The following ZNF7 variants were observed in gnomAD, a reference collection of about 807,000 sequenced individuals.
ZNF7 encodes zinc finger protein 7, also known as C2-H2 type zinc finger protein.
ZNF7 carries 10 observed loss-of-function variants against 12.0 expected under a neutral mutation model. The observed-to-expected ratio is 0.83, with a 90% CI of 0.51 to 1.42. The LOEUF is 1.42. Among genes scored for constraint, ZNF7 ranks in the 40% most tolerant of loss-of-function variants. The pLI is 0.00. For missense variants in ZNF7, 854 were observed against 837.2 expected, an observed-to-expected ratio of 1.02 and a Z score of -0.25; for synonymous variants, 334 against 295.0, an observed-to-expected ratio of 1.13 and a Z score of -1.35.
In ZNF7 at chr8:144,843,623, C is replaced by T. The variant is rs988268423; in HGVS notation, c.*455C>T. On this transcript the variant is annotated 3_prime_UTR_variant, in exon 5 of 5. Coordinates refer to ENST00000532777, the MANE Select transcript of ZNF7 (RefSeq NM_003416.4). ...AAAAAAAAAAAAATCCAACTTCATACAAAATGTATGTTTATTTCCTGAAAT... is the reference window on the plus strand; with the variant it reads ...AAAAAAAAAAAAATCCAACTTCATATAAAATGTATGTTTATTTCCTGAAAT... 6.8e-6 allele frequency: 1 copy of T among 147,684 alleles called. No homozygotes were observed. The highest frequency in any genetic ancestry group is 1.5e-5 in the Non-Finnish European group (1 of 67,580). The allele number at this position is 147,684 out of a possible 1,614,324, so 9.1% of individuals were successfully genotyped here. A position where few individuals can be genotyped will look rare whatever the true frequency, so the allele number is the denominator to read the frequency against.
In ZNF7 at chr8:144,829,081, G is replaced by C; in HGVS notation, c.-7G>C. 1.9e-6 allele frequency: 3 copies of C among 1,614,032 alleles called. No individual in the cohort carries two copies. Among genetic ancestry groups the C allele is most frequent in the Non-Finnish European group, 2.5e-6 (3 of 1,179,960 alleles). On this transcript the variant is annotated 5_prime_UTR_variant, in exon 2 of 5. The change abolishes the stop of an existing upstream ORF in the 5' untranslated region. Coordinates refer to ENST00000532777, the MANE Select transcript of ZNF7 (RefSeq NM_003416.4). The stretch of plus-strand genomic sequence containing the variant: ...AACACGTGGATGCCCACCCACCACT[G>C]AGCCTCATGGTAGGAAGCTTGACTG...
At chr8:144,844,610 T>TG (rs564002626), downstream of ZNF7, among the ~76,000 whole-genome samples, 860 of 147,500 alleles carry the variant, frequency 5.8e-3, 13 homozygotes, top group African/African-American at 0.02. Flanking sequence ...CTTGGGAGGC[T>TG]AGGCAGGAAA....
rs189494695 is a variant in ZNF7, at chr8:144,827,589, C to G, written c.-66C>G. On this transcript the variant is annotated 5_prime_UTR_variant, in exon 1 of 5. Coordinates refer to ENST00000532777, the MANE Select transcript of ZNF7 (RefSeq NM_003416.4). ...CCGGCGGCGTCGCGCGTTTGCGAGCCTCGGGTGGTCCTCAGGGAGGGTGAG... is the reference window on the plus strand; with the variant it reads ...CCGGCGGCGTCGCGCGTTTGCGAGCGTCGGGTGGTCCTCAGGGAGGGTGAG... 1.0e-6 allele frequency: 1 copy of G among 985,724 alleles called. No individual in the cohort carries two copies. The highest frequency in any genetic ancestry group is 1.7e-5 in the African/African-American group (1 of 57,258). The allele number at this position is 985,724 out of a possible 1,614,324, so 61.1% of individuals were successfully genotyped here. A position where few individuals can be genotyped will look rare whatever the true frequency, so the allele number is the denominator to read the frequency against.
At position 144,837,386 on chromosome 8, in the gene ZNF7, C is replaced by T. The variant is rs759365860; in HGVS notation, c.131-5C>T. 1 of 1,603,994 alleles carries T rather than the reference C, an allele frequency of 6.2e-7. No homozygotes were observed. On this transcript the variant is annotated splice_polypyrimidine_tract_variant and splice_region_variant and intron_variant, in intron 3 of 4. Coordinates refer to ENST00000532777, the MANE Select transcript of ZNF7 (RefSeq NM_003416.4). ...ACACTGTTGTCTTCTCTGCCGCACACACAGCAGGATTCCTGGTTTTCAAGC... is the reference window on the plus strand; with the variant it reads ...ACACTGTTGTCTTCTCTGCCGCACATACAGCAGGATTCCTGGTTTTCAAGC...
rs747035328 is a variant in ZNF7 at position 144,829,518 on chromosome 8, G to T, written c.44G>T (p.Arg15Leu). Residue 15 changes from arginine to leucine, a missense_variant, in exon 3 of 5, where the codon CGG becomes CTG. Coordinates refer to ENST00000532777, the MANE Select transcript of ZNF7 (RefSeq NM_003416.4). ...GGCGATGTGGCTGTGCACTTCTCTC[G>T]GGAGGAGTGGCAGTGTCTGGACCCT... is the stretch of plus-strand genomic sequence containing the variant. Reference protein sequence around the residue: ...TFGDVAVHFSREEWQCLDPGQ... With the variant: ...TFGDVAVHFSLEEWQCLDPGQ... 1.9e-6 allele frequency: 3 copies of T among 1,614,172 alleles called. No homozygotes were observed. The highest frequency in any genetic ancestry group is 1.7e-5 in the Admixed American group (1 of 60,024).
At chr8:144,827,789 C>T (rs1827942835) in intron 1 of ZNF7, 180 bp downstream of exon 1, 2 of 679,804 alleles carry the variant, frequency 2.9e-6, no homozygotes, top group Non-Finnish European at 1.8e-6. Flanking sequence ...CGAGCCCAGC[C>T]ACCCTCCCCC....
In ZNF7 at chr8:144,842,008, A is replaced by C; in HGVS notation, c.901A>C (p.Thr301Pro). 6.2e-7 allele frequency: 1 copy of C among 1,614,204 alleles called. No individual in the cohort carries two copies. Among genetic ancestry groups the C allele is most frequent in the South Asian group, 1.1e-5 (1 of 91,084 alleles). Residue 301 changes from threonine (T) to proline (P), a missense_variant, in exon 5 of 5, where the codon ACT becomes CCT. Coordinates refer to ENST00000532777, the MANE Select transcript of ZNF7 (RefSeq NM_003416.4). Reference sequence around the variant, plus strand: ...ACTTATTCAGCATCAAAGAATCCACACTGGGGAGAAGCCCTACAGATGTGA... The same window carrying C: ...ACTTATTCAGCATCAAAGAATCCACCCTGGGGAGAAGCCCTACAGATGTGA... ...SKLIQHQRIHTGEKPYRCEEC... is the reference protein window; with the variant it reads ...SKLIQHQRIHPGEKPYRCEEC...
intron 2 of ZNF7, 31 bp downstream of exon 2, chr8:144,829,121 C>T (rs762562782): frequency 9.3e-6 from 15 of 1,613,368 alleles, no homozygotes; most frequent in Non-Finnish European, 1.3e-5. Context: ...CTTCCCCTCG[C>T]ATGTCCTGTG....
In ZNF7 at chr8:144,838,544, G is replaced by T. The variant is rs1829363700; in HGVS notation, c.247+1037G>T. 3.9e-5 allele frequency: 7 copies of T among 177,976 alleles called. No homozygotes were observed. In the South Asian group the frequency reaches 9.6e-4, roughly 24 times the overall value. The allele number at this position is 177,976 out of a possible 1,614,324, so 11.0% of individuals were successfully genotyped here. A position where few individuals can be genotyped will look rare whatever the true frequency, so the allele number is the denominator to read the frequency against. ...CTCACCTCCCTTTCAGTTGCTGCTG[G>T]GTCATCACCGTCACTCCTGCAGCAG... On this transcript the variant is annotated intron_variant, in intron 4 of 4. Transcript: ENST00000532777.
chr8:144,835,729 C>T (rs1330342704), intron 3 of ZNF7: 1 of 152,048 alleles, frequency 6.6e-6, no homozygotes, highest in African/African-American at 2.4e-5. Context: ...TTATTTTCTT[C>T]CTTTTTATTT....
At chr8:144,832,006 C>A (rs1468056707) in intron 3 of ZNF7, among the ~76,000 whole-genome samples, 1 of 100,128 alleles carries the variant, frequency 1.0e-5, no homozygotes, top group African/African-American at 2.9e-5. Flanking sequence ...CAGAGTGAGA[C>A]CCTGTCTAAA....
chr8:144,841,765 C>T lies in ZNF7; in HGVS notation c.658C>T (p.Gln220Ter). The T allele has an allele frequency of 1.2e-6, 2 of 1,614,114 alleles. No individual in the cohort carries two copies. Among genetic ancestry groups the T allele is most frequent in the Non-Finnish European group, 1.7e-6 (2 of 1,180,028 alleles). Residue 220 changes from glutamine to a stop codon, truncating the protein, a stop_gained, in exon 5 of 5, where the codon CAG becomes TAG. Transcript: ENST00000532777. LOFTEE classifies it low-confidence loss of function (END_TRUNC). ...CGCTCTGCATTGGGAAATTAATACA[C>T]AGAAAATTAGCAGATGTCAAGAATG... ...DIALHWEINT[Q>*]KISRCQECQK...
intron 3 of ZNF7, chr8:144,830,793 GCGCGATC>G: frequency 2.7e-6 from 1 of 363,662 alleles, no homozygotes. Context: ...GAGTGCAATG[GCGCGATC>G]TTGGCTCACC....
chr8:144,831,392 C>T (rs910952661), intron 3 of ZNF7, among the ~76,000 whole-genome samples: 6 of 139,998 alleles, frequency 4.3e-5, no homozygotes, highest in South Asian at 2.1e-4. Flanking sequence ...GGGGCAAGCT[C>T]GTGTGTGCAC....
At chr8:144,844,947 C>T (rs1038579450), downstream of ZNF7, among the ~76,000 whole-genome samples, 5 of 151,426 alleles carry the variant, frequency 3.3e-5, no homozygotes, top group Admixed American at 6.6e-5. Flanking sequence ...TGGGGAAAAA[C>T]GATGGTAGGG....
At chr8:144,832,679 G>C (rs193142584) in intron 3 of ZNF7, among the ~76,000 whole-genome samples, 13 of 152,028 alleles carry the variant, frequency 8.6e-5, no homozygotes, top group Non-Finnish European at 1.5e-4. Flanking sequence ...ACTGAGCCGA[G>C]ATCACACCAG....
At chr8:144,841,137 A>G (rs1217022115) in intron 4 of ZNF7, 3 of 558,372 alleles carry the variant, frequency 5.4e-6, no homozygotes, top group Non-Finnish European at 6.3e-6. Context: ...CCAGCAATGA[A>G]CATTCATTGC....
At chr8:144,844,743 T>C (rs1215016951), downstream of ZNF7, among the ~76,000 whole-genome samples, 2 of 86,602 alleles carry the variant, frequency 2.3e-5, no homozygotes, top group Non-Finnish European at 4.8e-5. Context: ...AAAACGAAAA[T>C]GGGATGGAAA....
intron 4 of ZNF7, chr8:144,838,419 G>A (rs1829342539): frequency 2.3e-6 from 1 of 438,774 alleles, no homozygotes; most frequent in Non-Finnish European, 4.1e-6. Context: ...TGCTGGGCAG[G>A]CGCCCGGCCT....
Sources: allele counts gnomAD v4.1 joint callset (sites outside exome capture counted in the v4.1 genomes callset), GRCh38; gene constraint gnomAD v4.1.1; transcripts MANE v1.5; gene names NCBI Gene and HGNC (gene_info 2026-07-23, HGNC 2026-07-21).